STARD13: variants seen among roughly 807,000 people sequenced by gnomAD.
STARD13 encodes the protein StAR related lipid transfer domain containing 13, also known as stAR-related lipid transfer protein 13.
A neutral mutation model predicts 106.4 loss-of-function variants in STARD13; 62 were observed. That is an observed-to-expected ratio of 0.58 (90% CI 0.48 to 0.72). The LOEUF (loss-of-function observed/expected upper bound fraction) is 0.72. Ranked by LOEUF, STARD13 falls within the 30% of genes least tolerant of loss-of-function variation. The probability of loss-of-function intolerance (pLI) is 0.00; values close to 1 mark genes in which losing one functional copy is unlikely to be tolerated. For missense variants in STARD13, 1,387 were observed against 1,424.0 expected (o/e 0.97, Z 0.42); for synonymous variants, 565 against 553.0 (o/e 1.02, Z -0.31).
intron 1 of STARD13, among the ~76,000 whole-genome samples, chr13:33,217,787 G>A (rs1039104948): frequency 6.6e-6 from 1 of 152,196 alleles, no homozygotes; most frequent in Non-Finnish European, 1.5e-5. Flanking sequence ...TTTAAATGCA[G>A]CTTTACTGAA....
chr13:33,121,846 AT>A (rs200887879), intron 7 of STARD13, among the ~76,000 whole-genome samples: 2,734 of 143,290 alleles, frequency 0.019, 41 homozygotes, highest in African/African-American at 0.056. Context: ...CGCCCAGCTA[AT>A]TTTTTTTTTT....
chr13:33,592,498 C>T, the STARD13 span, among the ~76,000 whole-genome samples: 1 of 152,158 alleles, frequency 6.6e-6, no homozygotes, highest in East Asian at 1.9e-4. Flanking sequence ...CAGGGGTCAA[C>T]TGTTTACAGG....
At chr13:33,492,466 G>C in the STARD13 span, among the ~76,000 whole-genome samples, 12 of 152,306 alleles carry the variant, frequency 7.9e-5, no homozygotes, top group East Asian at 2.1e-3. Flanking sequence ...CACAGAATGA[G>C]ATAGGAAGTC....
the STARD13 span, among the ~76,000 whole-genome samples, chr13:33,570,241 A>G: frequency 2.7e-5 from 4 of 147,984 alleles, no homozygotes; most frequent in African/African-American, 9.9e-5. Context: ...GGAGGAAGTC[A>G]GAATCTCTAA....
intron 1 of STARD13, among the ~76,000 whole-genome samples, chr13:33,228,475 A>G (rs1371750083): frequency 6.6e-6 from 1 of 151,892 alleles, no homozygotes; most frequent in Non-Finnish European, 1.5e-5. Flanking sequence ...AGCTCCTGTT[A>G]TAAAACAGAG....
intron 1 of STARD13, among the ~76,000 whole-genome samples, chr13:33,268,027 C>T (rs1890983177): frequency 6.6e-6 from 1 of 152,142 alleles, no homozygotes; most frequent in Non-Finnish European, 1.5e-5. Flanking sequence ...GGAAGTTGGA[C>T]TTGAAATATT....
chr13:33,592,064 T>C, the STARD13 span, among the ~76,000 whole-genome samples: 1 of 152,194 alleles, frequency 6.6e-6, no homozygotes, highest in African/African-American at 2.4e-5. Flanking sequence ...GAAGCTGAAA[T>C]CTGGCATACA....
At chr13:33,118,406 T>C (rs2138103252) in intron 7 of STARD13, 143 bp from the exon 8 acceptor site, 1 of 680,730 alleles carries the variant, frequency 1.5e-6, no homozygotes, top group East Asian at 2.5e-5. Context: ...CTTTAGGCAG[T>C]ACCCGAACAC....
At position 33,311,212 on chromosome 13, in the gene STARD13, T is replaced by A. The variant is rs576172607; in HGVS notation, c.124+39078A>T. ...CTCGGGAGGCTGAGGCGGGATGATC[T>A]CTTGAGCCAGAGAGGTCAAGGCTGC... On this transcript the variant is annotated intron_variant, in intron 1 of 5. Transcript: ENST00000567873. Among the ~76,000 whole-genome samples, 5 of 151,798 alleles carry A rather than the reference T, an allele frequency of 3.3e-5. No homozygotes were observed. The East Asian group carries it at 9.7e-4, about 29-fold the overall frequency.
chr13:33,426,861 A>C, the STARD13 span, among the ~76,000 whole-genome samples: 1 of 152,218 alleles, frequency 6.6e-6, no homozygotes, highest in African/African-American at 2.4e-5. Flanking sequence ...ACTCAAGATT[A>C]CATATAAAGA....
At chr13:33,636,203 T>C in the STARD13 span, among the ~76,000 whole-genome samples, 1 of 140,868 alleles carries the variant, frequency 7.1e-6, no homozygotes, top group Non-Finnish European at 1.5e-5. Flanking sequence ...TCATAGTAAA[T>C]ACACTAAATG....
chr13:33,580,155 C>G, the STARD13 span, among the ~76,000 whole-genome samples: 3 of 152,004 alleles, frequency 2.0e-5, no homozygotes, highest in Non-Finnish European at 4.4e-5. Flanking sequence ...AACTTGGAAG[C>G]AACTAAGATG....
At chr13:33,288,684 G>A (rs1447648142), upstream of STARD13, among the ~76,000 whole-genome samples, 1 of 150,904 alleles carries the variant, frequency 6.6e-6, no homozygotes, top group African/African-American at 2.4e-5. Context: ...ATTTTAATAA[G>A]GGGCTCTAGG....
chr13:33,507,023 C>T, the STARD13 span, among the ~76,000 whole-genome samples: 4 of 152,238 alleles, frequency 2.6e-5, no homozygotes, highest in African/African-American at 9.6e-5. Context: ...ATCGCTTGAG[C>T]TTGGGAGGTC....
intron 3 of STARD13, among the ~76,000 whole-genome samples, chr13:33,152,674 A>G (rs773960582): frequency 1.8e-4 from 27 of 152,170 alleles, no homozygotes; most frequent in Non-Finnish European, 3.5e-4. Context: ...AGCCCAGCCC[A>G]CATACCTCCT....
At chr13:33,262,662 A>ACACAACAC (rs5802678) in intron 1 of STARD13, among the ~76,000 whole-genome samples, 38 of 114,900 alleles carry the variant, frequency 3.3e-4, no homozygotes, top group African/African-American at 9.5e-4. Flanking sequence ...ACACACACAC[A>ACACAACAC]ACACACACAC....
At chr13:33,541,218 T>C in the STARD13 span, among the ~76,000 whole-genome samples, 5 of 152,274 alleles carry the variant, frequency 3.3e-5, no homozygotes, top group East Asian at 5.8e-4. Context: ...AAAGCTGAAG[T>C]ATGCAATGAT....
the STARD13 span, among the ~76,000 whole-genome samples, chr13:33,579,930 A>G: frequency 6.6e-6 from 1 of 152,116 alleles, no homozygotes; most frequent in Non-Finnish European, 1.5e-5. Context: ...GTGACGATGT[A>G]GAGTAACAAG....
the STARD13 span, among the ~76,000 whole-genome samples, chr13:33,462,812 G>A: frequency 1.3e-5 from 2 of 152,140 alleles, no homozygotes; most frequent in Non-Finnish European, 2.9e-5. Flanking sequence ...CAGATTGAGG[G>A]TGGGTCCACC....
Sources: gnomAD v4.1 joint callset for allele counts (sites outside exome capture counted in the v4.1 genomes callset) on GRCh38, gnomAD v4.1.1 for gene constraint, MANE v1.5 for transcripts, NCBI Gene and HGNC (gene_info 2026-07-23, HGNC 2026-07-21) for gene names.